The following TRAPPC2 variants were observed in gnomAD, a reference collection of about 807,000 sequenced individuals.
TRAPPC2 encodes the protein sedlin.
Under a neutral mutation model 10.0 loss-of-function variants are expected in TRAPPC2, and 4 were observed. That is an observed-to-expected ratio of 0.40 (90% CI 0.20 to 0.92). TRAPPC2 has a LOEUF of 0.92. Among genes scored for constraint, TRAPPC2 ranks in the 40% least tolerant of loss-of-function variants. The probability of loss-of-function intolerance (pLI) is 0.35; values close to 1 mark genes in which losing one functional copy is unlikely to be tolerated. For synonymous variants in TRAPPC2, 36 were observed against 37.3 expected (o/e 0.97, Z 0.12); for missense variants, 52 against 108.7 (o/e 0.48, Z 2.32).
rs1478449429 is a variant in TRAPPC2, at chrX:13,713,922, G to T, written c.*485C>A. 9.0e-6 allele frequency: 1 copy of T among 110,748 alleles called. No individual in the cohort carries two copies. Among genetic ancestry groups the T allele is most frequent in the Non-Finnish European group, 1.9e-5 (1 of 52,916 alleles). The allele number at this position is 110,748 out of a possible 1,213,427, so 9.1% of individuals were successfully genotyped here. A position where few individuals can be genotyped will look rare whatever the true frequency, so the allele number is the denominator to read the frequency against. On this transcript the variant is annotated 3_prime_UTR_variant, in exon 6 of 6. Coordinates refer to ENST00000380579, the MANE Select transcript of TRAPPC2 (RefSeq NM_001011658.4). ...GTACTTTGGGAGGCCAAGGCGGGCA[G>T]ATCACGAGGTCAGGAGTTCAAGACC...
chrX:13,717,059 A>C (rs1255711181), intron 3 of TRAPPC2, among the ~76,000 whole-genome samples: 1 of 105,443 alleles, frequency 9.5e-6, no homozygotes, highest in Non-Finnish European at 1.9e-5. Flanking sequence ...AAAAAAAAAA[A>C]AAAAACAAGA....
At chrX:13,716,800 C>G (rs868193543) in intron 3 of TRAPPC2, 122 bp from the exon 4 acceptor site, 1 of 706,460 alleles carries the variant, frequency 1.4e-6, no homozygotes, top group Admixed American at 2.9e-5. Context: ...TGCTTTTATA[C>G]TTTGTTATTG....
intron 5 of TRAPPC2, among the ~76,000 whole-genome samples, chrX:13,715,318 C>G (rs1396978831): frequency 8.9e-6 from 1 of 112,265 alleles, no homozygotes; most frequent in Non-Finnish European, 1.9e-5. Context: ...ACTGAAAATA[C>G]AAAAATTAGC....
chrX:13,725,462 C>T (rs1270513301), intron 2 of TRAPPC2, among the ~76,000 whole-genome samples: 1 of 112,289 alleles, frequency 8.9e-6, no homozygotes. Flanking sequence ...CCCAGGCAAA[C>T]GGGGTCTGGA....
intron 2 of TRAPPC2, among the ~76,000 whole-genome samples, chrX:13,730,288 C>T (rs1481468431): frequency 9.0e-6 from 1 of 110,853 alleles, no homozygotes; most frequent in Non-Finnish European, 1.9e-5. Context: ...CAAAAGAAGA[C>T]ATCTATGCAG....
intron 3 of TRAPPC2, among the ~76,000 whole-genome samples, chrX:13,718,471 T>C (rs1169823957): frequency 1.1e-4 from 7 of 64,001 alleles, no homozygotes; most frequent in Non-Finnish European, 2.2e-4. Flanking sequence ...AATCAAGTTA[T>C]GCAACAAAGT....
chrX:13,716,817 G>C, intron 3 of TRAPPC2, 139 bp from the exon 4 acceptor site: 1 of 587,947 alleles, frequency 1.7e-6, no homozygotes, highest in South Asian at 3.2e-5. Context: ...ATTGTCATGA[G>C]ACTTATAAAA....
At chrX:13,717,034 TAAAAAAAAAAAAAAAAA>T (rs1175025577) in intron 3 of TRAPPC2, among the ~76,000 whole-genome samples, 1 of 37,936 alleles carries the variant, frequency 2.6e-5, no homozygotes, top group African/African-American at 1.1e-4. Flanking sequence ...GATACTATGT[TAAAAAAAAAAAAAAAAA>T]AAAAAAAAAA....
intron 2 of TRAPPC2, among the ~76,000 whole-genome samples, chrX:13,722,600 T>C (rs537678898): frequency 2.0e-4 from 22 of 111,602 alleles, no homozygotes; most frequent in African/African-American, 6.5e-4. Flanking sequence ...AATGACCTCA[T>C]TGTCTCGGGA....
chrX:13,718,485 T>C, intron 3 of TRAPPC2, among the ~76,000 whole-genome samples: 1 of 111,983 alleles, frequency 8.9e-6, no homozygotes, highest in Middle Eastern at 4.6e-3. Flanking sequence ...ACAAAGTATT[T>C]TTATGTGTGC....
intron 2 of TRAPPC2, among the ~76,000 whole-genome samples, chrX:13,726,884 T>G (rs982171901): frequency 1.8e-5 from 2 of 111,707 alleles, no homozygotes; most frequent in African/African-American, 6.5e-5. Flanking sequence ...AAGACACACA[T>G]AGGCTCAAAA....
chrX:13,725,980 G>C lies in TRAPPC2; in HGVS notation c.-19-5998C>G, dbSNP rs138143740. Reference sequence around the variant, plus strand: ...GATGCATACACAAGCTTCAATAACTGATTTGATCAAGTAGAAGAAAGGGTA... The same window carrying C: ...GATGCATACACAAGCTTCAATAACTCATTTGATCAAGTAGAAGAAAGGGTA... On this transcript the variant is annotated intron_variant, in intron 2 of 5. Transcript: ENST00000380579. 1.9e-3 allele frequency among the ~76,000 whole-genome samples: 216 copies of C among 111,919 alleles called. 1 individual carries two copies. Among genetic ancestry groups the C allele is most frequent in the African/African-American group, 6.3e-3 (193 of 30,799 alleles).
chrX:13,725,991 G>A (rs1038741696), intron 2 of TRAPPC2, among the ~76,000 whole-genome samples: 1 of 111,904 alleles, frequency 8.9e-6, no homozygotes, highest in African/African-American at 3.2e-5. Context: ...ATTTGATCAA[G>A]TAGAAGAAAG....
chrX:13,714,331 T>G lies in TRAPPC2; in HGVS notation c.*76A>C, dbSNP rs2046256880. ...CACAAAAGTTTTCCAGGCTATTTAA[T>G]CAAGTAACTTACAATGTACACATTC... On this transcript the variant is annotated 3_prime_UTR_variant, in exon 6 of 6. Transcript: ENST00000380579. The G allele has an allele frequency of 1.6e-6, 1 of 616,301 alleles. No individual in the cohort carries two copies. The highest frequency in any genetic ancestry group is 4.1e-5 in the South Asian group (1 of 24,134). The allele number at this position is 616,301 out of a possible 1,213,427, so 50.8% of individuals were successfully genotyped here.
chrX:13,715,777 C>T, intron 5 of TRAPPC2: 1 of 897,460 alleles, frequency 1.1e-6, no homozygotes, highest in Non-Finnish European at 1.4e-6. Flanking sequence ...ACCAATTTAC[C>T]TTCACAATCA....
intron 3 of TRAPPC2, among the ~76,000 whole-genome samples, chrX:13,718,682 G>C (rs1333782237): frequency 8.9e-6 from 1 of 112,228 alleles, no homozygotes; most frequent in African/African-American, 3.2e-5. Flanking sequence ...ATCTTATTTT[G>C]GTGGCAAGGC....
Position 13,722,956 on chromosome X carries a change from G to A in TRAPPC2, c.-19-2974C>T, listed in dbSNP as rs184937971. ...TGGGCACCTGTAGTCCCAGCTACTC[G>A]GGAGGCTGAGGCAGAAGAATGGTGT... is the stretch of plus-strand genomic sequence containing the variant. On this transcript the variant is annotated intron_variant, in intron 2 of 5. Transcript: ENST00000380579. Among the ~76,000 whole-genome samples, 600 of 110,163 alleles carry A rather than the reference G, an allele frequency of 5.4e-3. 6 individuals carry two copies. The highest frequency in any genetic ancestry group is 0.019 in the African/African-American group (566 of 30,274).
rs776679275 is a variant in TRAPPC2 at position 13,714,124 on chromosome X, AGAGT to A, written c.*279_*282del. On this transcript the variant is annotated 3_prime_UTR_variant, in exon 6 of 6. Transcript: ENST00000380579. ...CGCCACTGCACTCCAGCCTGGCAACAGAGTGAGACTCTGTATCAGAAAAAAAAAA... is the reference window on the plus strand; with the variant it reads ...CGCCACTGCACTCCAGCCTGGCAACAGAGACTCTGTATCAGAAAAAAAAAA... The A allele has an allele frequency of 7.8e-6, 1 of 127,418 alleles. No individual in the cohort carries two copies. Among genetic ancestry groups the A allele is most frequent in the Admixed American group, 9.8e-5 (1 of 10,192 alleles). The allele number at this position is 127,418 out of a possible 1,213,427, so 10.5% of individuals were successfully genotyped here.
At chrX:13,731,313 G>A (rs1352482825) in intron 2 of TRAPPC2, among the ~76,000 whole-genome samples, 4 of 111,851 alleles carry the variant, frequency 3.6e-5, no homozygotes, top group Non-Finnish European at 7.5e-5. Context: ...CAACAGAAAC[G>A]TGTATTAAAT....
Sources: gnomAD v4.1 joint callset for allele counts (sites outside exome capture counted in the v4.1 genomes callset) on GRCh38, gnomAD v4.1.1 for gene constraint, MANE v1.5 for transcripts, NCBI Gene and HGNC (gene_info 2026-07-23, HGNC 2026-07-21) for gene names.